The following SLC5A4 variants were observed in gnomAD, a reference collection of about 807,000 sequenced individuals.
SLC5A4 encodes the protein probable glucose sensor protein SLC5A4.
In SLC5A4, 55 loss-of-function variants were observed where a neutral mutation model predicts 70.3. The ratio of observed to expected loss-of-function variants is 0.78; its 90% confidence interval spans 0.63 to 0.98. The LOEUF (loss-of-function observed/expected upper bound fraction) is 0.98. Ranked by LOEUF, SLC5A4 falls within the 50% of genes least tolerant of loss-of-function variation. The probability of loss-of-function intolerance (pLI) is 0.00; values close to 1 mark genes in which losing one functional copy is unlikely to be tolerated. For synonymous variants in SLC5A4, 268 were observed against 305.7 expected (o/e 0.88, Z 1.29); for missense variants, 735 against 839.2 (o/e 0.88, Z 1.53).
chr22:32,303,358 A>G, the SLC5A4 span, among the ~76,000 whole-genome samples: 1 of 152,352 alleles, frequency 6.6e-6, no homozygotes, highest in Middle Eastern at 3.4e-3. Context: ...CATTCTTTTG[A>G]GTCTCTGATC....
At chr22:32,263,020 G>A in the SLC5A4 span, among the ~76,000 whole-genome samples, 16 of 151,546 alleles carry the variant, frequency 1.1e-4, no homozygotes, top group Admixed American at 9.9e-4. Flanking sequence ...CACCCGCCTC[G>A]ACCTCCCAAA....
chr22:32,332,678 T>C, the SLC5A4 span, among the ~76,000 whole-genome samples: 1 of 152,170 alleles, frequency 6.6e-6, no homozygotes, highest in South Asian at 2.1e-4. Context: ...ACACCTCACT[T>C]GTAGCCTGCC....
At chr22:32,317,012 C>A in the SLC5A4 span, among the ~76,000 whole-genome samples, 1 of 151,458 alleles carries the variant, frequency 6.6e-6, no homozygotes, top group Non-Finnish European at 1.5e-5. Context: ...AAAGTGCATA[C>A]ACAAAAGTGA....
At chr22:32,304,914 C>T in the SLC5A4 span, among the ~76,000 whole-genome samples, 8 of 151,784 alleles carry the variant, frequency 5.3e-5, no homozygotes, top group Non-Finnish European at 5.9e-5. Flanking sequence ...AGTGTAAAGT[C>T]TGTGTTCAGA....
chr22:32,297,569 G>A, the SLC5A4 span, among the ~76,000 whole-genome samples: 13 of 104,368 alleles, frequency 1.2e-4, 2 homozygotes, highest in Admixed American at 6.3e-4. Flanking sequence ...TCTTGCTAGC[G>A]GTCTATCAAT....
chr22:32,275,108 G>T, the SLC5A4 span, among the ~76,000 whole-genome samples: 1 of 152,038 alleles, frequency 6.6e-6, no homozygotes, highest in Admixed American at 6.5e-5. Context: ...TACACTAATG[G>T]CTCTCTCTGT....
chr22:32,237,996 G>A (rs576029882), intron 6 of SLC5A4, among the ~76,000 whole-genome samples: 1 of 152,246 alleles, frequency 6.6e-6, no homozygotes, highest in Middle Eastern at 3.4e-3. Flanking sequence ...CCAAAATAGA[G>A]ACACTTATGC....
At chr22:32,283,167 G>C in the SLC5A4 span, among the ~76,000 whole-genome samples, 1 of 152,116 alleles carries the variant, frequency 6.6e-6, no homozygotes, top group African/African-American at 2.4e-5. Flanking sequence ...ACTTTCTCCT[G>C]TTCACTGGGC....
the SLC5A4 span, among the ~76,000 whole-genome samples, chr22:32,274,060 G>C: frequency 3.6e-5 from 5 of 139,950 alleles, no homozygotes; most frequent in Non-Finnish European, 7.7e-5. Context: ...TTTTTTTTGA[G>C]ACAGAGTCTC....
chr22:32,241,170 C>A (rs1926488111), intron 5 of SLC5A4, among the ~76,000 whole-genome samples: 1 of 152,198 alleles, frequency 6.6e-6, no homozygotes. Flanking sequence ...CTCCACATAG[C>A]CACCAGGTGA....
chr22:32,354,431 C>G, the SLC5A4 span, among the ~76,000 whole-genome samples: 1 of 151,734 alleles, frequency 6.6e-6, no homozygotes, highest in Non-Finnish European at 1.5e-5. Flanking sequence ...CAGCCAGCTT[C>G]TAGACGCAGG....
the SLC5A4 span, chr22:32,327,176 T>G: frequency 6.6e-6 from 1 of 152,176 alleles, no homozygotes; most frequent in Non-Finnish European, 1.5e-5. Context: ...GATGCGAAGG[T>G]TCACAGCAGC....
chr22:32,308,745 G>C, the SLC5A4 span, among the ~76,000 whole-genome samples: 2 of 147,238 alleles, frequency 1.4e-5, no homozygotes, highest in African/African-American at 5.0e-5. Context: ...AGAGGGACCA[G>C]ATCTACCTAT....
chr22:32,275,292 T>C, the SLC5A4 span, among the ~76,000 whole-genome samples: 2 of 152,216 alleles, frequency 1.3e-5, no homozygotes, highest in African/African-American at 4.8e-5. Context: ...GTTACATATG[T>C]ATACATGTGC....
the SLC5A4 span, among the ~76,000 whole-genome samples, chr22:32,277,764 G>A: frequency 6.6e-6 from 1 of 152,208 alleles, no homozygotes; most frequent in South Asian, 2.1e-4. Flanking sequence ...TAGCCAAGAT[G>A]GTCTCGATCT....
the SLC5A4 span, among the ~76,000 whole-genome samples, chr22:32,309,298 C>T: frequency 0.18 from 26,813 of 152,224 alleles, 3,057 homozygotes; most frequent in Non-Finnish European, 0.27. Flanking sequence ...GAGAAACAGT[C>T]CTTACAAACG....
chr22:32,328,142 GCA>G, the SLC5A4 span, among the ~76,000 whole-genome samples: 1 of 151,360 alleles, frequency 6.6e-6, no homozygotes, highest in South Asian at 2.1e-4. Flanking sequence ...CCAGACCCCA[GCA>G]CACACACACC....
chr22:32,287,036 A>G, the SLC5A4 span, among the ~76,000 whole-genome samples: 11 of 151,772 alleles, frequency 7.2e-5, no homozygotes, highest in Non-Finnish European at 1.6e-4. Flanking sequence ...AAGAAGGTAA[A>G]TAAGTTGAGA....
the SLC5A4 span, among the ~76,000 whole-genome samples, chr22:32,345,208 GAATT>G: frequency 6.6e-6 from 1 of 152,116 alleles, no homozygotes; most frequent in Non-Finnish European, 1.5e-5. Context: ...ACCGATTTCA[GAATT>G]AACTAAAACA....
Sources: allele counts gnomAD v4.1 joint callset (sites outside exome capture counted in the v4.1 genomes callset), GRCh38; gene constraint gnomAD v4.1.1; transcripts MANE v1.5; gene names NCBI Gene and HGNC (gene_info 2026-07-23, HGNC 2026-07-21).